Variants in ROBO1 observed in about 807,000 individuals in gnomAD.
The protein encoded by ROBO1 is roundabout homolog 1.
A neutral mutation model predicts 195.9 loss-of-function variants in ROBO1; 149 were observed. The observed-to-expected ratio is 0.76, with a 90% CI of 0.67 to 0.87. The LOEUF is 0.87. Ranked by LOEUF, ROBO1 falls within the 40% of genes least tolerant of loss-of-function variation. The pLI, the probability that ROBO1 is intolerant of heterozygous loss-of-function variation, is 0.00. For missense variants in ROBO1, 1,933 were observed against 2,068.3 expected, an observed-to-expected ratio of 0.93 and a Z score of 1.27; for synonymous variants, 816 against 733.2, an observed-to-expected ratio of 1.11 and a Z score of -1.82.
At chr3:79,678,130 A>G (rs2106950162) in intron 1 of ROBO1, among the ~76,000 whole-genome samples, 1 of 152,190 alleles carries the variant, frequency 6.6e-6, no homozygotes, top group East Asian at 1.9e-4. Flanking sequence ...TCCTGGTTAA[A>G]AAATCTGGCT....
In ROBO1 at chr3:79,476,819, G is replaced by A. The variant is rs189600349; in HGVS notation, c.88+113005C>T. ...CTACACACTGGGTAAGGGGTACACT[G>A]CTCGGGTGATGAGTGAACCAAAATC... On this transcript the variant is annotated intron_variant, in intron 2 of 30. Transcript: ENST00000464233. 1.3e-3 allele frequency among the ~76,000 whole-genome samples: 199 copies of A among 152,148 alleles called. 1 individual carries two copies. Among genetic ancestry groups the A allele is most frequent in the African/African-American group, 4.6e-3 (189 of 41,522 alleles).
chr3:79,372,019 A>G (rs563516944), intron 2 of ROBO1, among the ~76,000 whole-genome samples: 39 of 152,098 alleles, frequency 2.6e-4, no homozygotes, highest in African/African-American at 9.4e-4. Flanking sequence ...GCAGTTCACA[A>G]TAGGGTTTGT....
chr3:79,269,934 G>A (rs1265120661), intron 2 of ROBO1, among the ~76,000 whole-genome samples: 2 of 151,786 alleles, frequency 1.3e-5, no homozygotes, highest in African/African-American at 4.8e-5. Context: ...AAATGATACT[G>A]AAATAGATGT....
intron 4 of ROBO1, among the ~76,000 whole-genome samples, chr3:78,772,313 T>G (rs771457404): frequency 2.6e-4 from 40 of 152,088 alleles, no homozygotes; most frequent in Admixed American, 5.9e-4. Context: ...CTAACTGCAT[T>G]TTGTTATTTT....
At chr3:78,647,145 G>A (rs1284229272) in intron 20 of ROBO1, among the ~76,000 whole-genome samples, 1 of 151,990 alleles carries the variant, frequency 6.6e-6, no homozygotes, top group Non-Finnish European at 1.5e-5. Flanking sequence ...GGATAGAACG[G>A]AATATTAGGA....
chr3:79,704,818 T>C (rs142399058), intron 1 of ROBO1, among the ~76,000 whole-genome samples: 2 of 151,914 alleles, frequency 1.3e-5, no homozygotes, highest in African/African-American at 4.8e-5. Flanking sequence ...TAAATGAGAG[T>C]TCTTGTTTTT....
chr3:79,524,081 A>G (rs1246360064), intron 2 of ROBO1, among the ~76,000 whole-genome samples: 2 of 152,172 alleles, frequency 1.3e-5, no homozygotes, highest in East Asian at 3.9e-4. Flanking sequence ...CTAAAGACGC[A>G]TAATGGGATA....
At chr3:79,374,749 G>C (rs2036324082) in intron 2 of ROBO1, among the ~76,000 whole-genome samples, 1 of 152,020 alleles carries the variant, frequency 6.6e-6, no homozygotes, top group East Asian at 1.9e-4. Context: ...TCAAAATCAA[G>C]ATTGTTTTAT....
intron 3 of ROBO1, among the ~76,000 whole-genome samples, chr3:79,084,704 C>G (rs1378067100): frequency 6.6e-6 from 1 of 152,050 alleles, no homozygotes; most frequent in Non-Finnish European, 1.5e-5. Flanking sequence ...GGAATTGAAT[C>G]TTGGGTCCAA....
At chr3:78,805,677 T>A (rs1022394444) in intron 4 of ROBO1, among the ~76,000 whole-genome samples, 2 of 152,168 alleles carry the variant, frequency 1.3e-5, no homozygotes, top group South Asian at 4.1e-4. Context: ...TTCCATGATA[T>A]CTTTCAATAT....
intron 10 of ROBO1, among the ~76,000 whole-genome samples, chr3:78,677,727 C>T (rs946906273): frequency 3.6e-4 from 54 of 152,072 alleles, no homozygotes; most frequent in African/African-American, 9.9e-4. Context: ...TAATAATGGG[C>T]GACTTTAACA....
intron 4 of ROBO1, among the ~76,000 whole-genome samples, chr3:78,902,090 T>C (rs77165904): frequency 0.021 from 3,134 of 152,292 alleles, 114 homozygotes; most frequent in African/African-American, 0.068. Context: ...CACAAATCCA[T>C]GACCACTTGA....
At chr3:78,745,853 G>A (rs146032799) in intron 5 of ROBO1, among the ~76,000 whole-genome samples, 1 of 152,178 alleles carries the variant, frequency 6.6e-6, no homozygotes, top group South Asian at 2.1e-4. Flanking sequence ...ACCAGGTGCT[G>A]AGAAACAGTG....
At chr3:79,189,386 A>G (rs568750871) in intron 2 of ROBO1, among the ~76,000 whole-genome samples, 1 of 151,978 alleles carries the variant, frequency 6.6e-6, no homozygotes, top group African/African-American at 2.4e-5. Flanking sequence ...AATATAAAAA[A>G]GGAGTAAGTA....
intron 2 of ROBO1, among the ~76,000 whole-genome samples, chr3:79,191,397 TC>T (rs1480467058): frequency 1.3e-5 from 2 of 151,402 alleles, no homozygotes; most frequent in African/African-American, 4.8e-5. Flanking sequence ...ACAAGTGAGT[TC>T]TTAAGGGGGA....
intron 2 of ROBO1, among the ~76,000 whole-genome samples, chr3:79,163,370 T>A (rs1026154465): frequency 1.3e-5 from 2 of 152,174 alleles, no homozygotes; most frequent in Admixed American, 6.6e-5. Context: ...CCTTCCTTTT[T>A]AAGGCTGAAT....
intron 4 of ROBO1, among the ~76,000 whole-genome samples, chr3:78,823,500 C>G (rs2031246054): frequency 6.6e-6 from 1 of 152,188 alleles, no homozygotes; most frequent in East Asian, 1.9e-4. Context: ...TAACTCCAGT[C>G]ATTTGTTAAC....
chr3:78,952,657 T>C lies in ROBO1; in HGVS notation c.173-13730A>G, dbSNP rs76096313. On this transcript the variant is annotated intron_variant, in intron 3 of 30. Coordinates refer to ENST00000464233, the MANE Select transcript of ROBO1 (RefSeq NM_002941.4). ...TACACACATTTCCAAATACTCATGC[T>C]TACTGTTGAAATAAGAAGCATAAAA... Among the ~76,000 whole-genome samples the C allele has an allele frequency of 7.5e-3, 1,144 of 152,092 alleles. 19 individuals are homozygous for C. Among genetic ancestry groups the C allele is most frequent in the African/African-American group, 0.024 (992 of 41,524 alleles).
intron 2 of ROBO1, among the ~76,000 whole-genome samples, chr3:79,177,553 G>T (rs1029560700): frequency 2.0e-5 from 3 of 152,180 alleles, no homozygotes; most frequent in South Asian, 2.1e-4. Context: ...TACAGAGAAT[G>T]ATTTCCTCTC....
Sources: allele counts gnomAD v4.1 joint callset (sites outside exome capture counted in the v4.1 genomes callset), GRCh38; gene constraint gnomAD v4.1.1; transcripts MANE v1.5; gene names NCBI Gene and HGNC (gene_info 2026-07-23, HGNC 2026-07-21).